Variants in KRT4 observed in about 807,000 individuals in gnomAD.
KRT4 encodes keratin, type II cytoskeletal 4.
A neutral mutation model predicts 50.6 loss-of-function variants in KRT4; 47 were observed. That is an observed-to-expected ratio of 0.93 (90% confidence interval 0.73 to 1.18). The LOEUF (loss-of-function observed/expected upper bound fraction) is 1.18. Ranked by LOEUF, KRT4 falls within the 50% of genes most tolerant of loss-of-function variation. The probability of loss-of-function intolerance (pLI) is 0.00; values close to 1 mark genes in which losing one functional copy is unlikely to be tolerated. For synonymous variants in KRT4, 254 were observed against 251.2 expected (o/e 1.01, Z -0.10); for missense variants, 651 against 645.7 (o/e 1.01, Z -0.09).
At chr12:52,812,619 G>A (rs1939932321) in intron 1 of KRT4, among the ~76,000 whole-genome samples, 1 of 152,180 alleles carries the variant, frequency 6.6e-6, no homozygotes, top group African/African-American at 2.4e-5. Flanking sequence ...GAATTGAAAG[G>A]AAAGCAGGTA....
In KRT4 at chr12:52,808,808, C is replaced by A; in HGVS notation, c.877G>T (p.Val293Phe). 6.2e-7 allele frequency: 1 copy of A among 1,614,200 alleles called. No individual in the cohort carries two copies. Among genetic ancestry groups the A allele is most frequent in the Non-Finnish European group, 8.5e-7 (1 of 1,180,024 alleles). ...TTGCGGTTGTTGTCCATGGAAAGGA[C>A]CACGGACGTGTCGCTGACATGGGTC... is the stretch of plus-strand genomic sequence containing the variant. The part of the protein sequence containing the change: ...MQTHVSDTSV[V>F]LSMDNNRNLD... The change falls in exon 5 of 9, where the codon GTC becomes TTC. Residue 293 changes from valine to phenylalanine, a missense_variant. Transcript: ENST00000551956.
rs534142606 is a variant in KRT4, at chr12:52,812,936, G to C, written c.462+661C>G. On this transcript the variant is annotated intron_variant, in intron 1 of 8. Coordinates refer to ENST00000551956, the MANE Select transcript of KRT4 (RefSeq NM_002272.4). ...CCAGTCATCAATCTTTGGATGACTC[G>C]GCTCTCTGGGGCTGCACTGCTCACT... 2.6e-5 allele frequency among the ~76,000 whole-genome samples: 4 copies of C among 152,158 alleles called. No individual in the cohort carries two copies. In the East Asian group the frequency reaches 5.8e-4, roughly 22 times the overall value.
chr12:52,809,447 T>A lies in KRT4; in HGVS notation c.770A>T (p.Glu257Val). 1 of 1,614,030 alleles carries A rather than the reference T, an allele frequency of 6.2e-7. No individual in the cohort carries two copies. The highest frequency in any genetic ancestry group is 8.5e-7 in the Non-Finnish European group (1 of 1,179,924). ...DVDAAYLNKV[E>V]LEAKVDSLND... is the part of the protein sequence containing the mutation. ...AAGACTGTCCACCTTGGCCTCCAAC[T>A]CCACCTTGTTCAGGTAGGCAGCATC... The change falls in exon 4 of 9, where the codon GAG becomes GTG. Residue 257 changes from glutamate to valine, a missense_variant. Coordinates refer to ENST00000551956, the MANE Select transcript of KRT4 (RefSeq NM_002272.4).
In KRT4 at chr12:52,813,949, C is replaced by T. The variant is rs1469775979; in HGVS notation, c.110G>A (p.Gly37Glu). The change falls in exon 1 of 9, where the codon GGA (glycine) becomes GAA (glutamate). Residue 37 changes from glycine (G) to glutamate (E), a missense_variant. Physicochemically the swap from Gly to Glu is moderately conservative, Grantham distance 98. Transcript: ENST00000551956. ...RGAFSSVSMS[G>E]GAGRCSSGGF... ...CCCAGAAGAGCATCGGCCAGCACCT[C>T]CAGACATGGAGACTGAGCTGAAGGC... 2 of 1,614,104 alleles carry T rather than the reference C, an allele frequency of 1.2e-6. No individual in the cohort carries two copies. The highest frequency in any genetic ancestry group is 3.3e-5 in the Admixed American group (2 of 60,014).
At chr12:52,809,846 C>A (rs1007181806) in intron 3 of KRT4, among the ~76,000 whole-genome samples, 1 of 152,196 alleles carries the variant, frequency 6.6e-6, no homozygotes, top group African/African-American at 2.4e-5. Flanking sequence ...GATACCAAAT[C>A]AACCTAAGTG....
rs17119473 is a variant in KRT4 at position 52,813,537 on chromosome 12, C to T, written c.462+60G>A. The T allele has an allele frequency of 0.67, 982,536 of 1,462,598 alleles. 334,288 individuals carry two copies. Among genetic ancestry groups the T allele is most frequent in the East Asian group, 0.82 (36,042 of 44,136 alleles). 90.6% of individuals were successfully genotyped at this position (1,462,598 alleles called of 1,614,324 possible). On this transcript the variant is annotated intron_variant, in intron 1 of 8. Transcript: ENST00000551956. ...ACCTGTGGCAGGCTCAGGTCTGAGA[C>T]CCCAGGACTCAGGACCCCTCTCTTC...
rs555375046 is a variant in KRT4 at position 52,808,883 on chromosome 12, A to G, written c.835-33T>C. 12 of 1,613,002 alleles carry G rather than the reference A, an allele frequency of 7.4e-6. No individual in the cohort carries two copies. In the African/African-American group the frequency reaches 1.1e-4, roughly 14 times the overall value. On this transcript the variant is annotated intron_variant, in intron 4 of 8. Transcript: ENST00000551956. ...GCAAATGTCTCACATCAGCCCCCCC[A>G]GGAAAGCCTTCACTGACCTGATACA...
rs748068957 is a variant in KRT4 at position 52,807,855 on chromosome 12, G to A, written c.1135C>T (p.Leu379Phe). ...TCTGCATCAGCCACGGATACCTGAA[G>A]AGTCTGGCACTATTGACAAAGGCAT... ...IENIKKQCQT[L>F]QVSVADAEQR... The change falls in exon 7 of 9, where the codon CTT (leucine) becomes TTT (phenylalanine). Residue 379 changes from leucine to phenylalanine, a missense_variant. Coordinates refer to ENST00000551956, the MANE Select transcript of KRT4 (RefSeq NM_002272.4). 4.3e-6 allele frequency: 7 copies of A among 1,613,732 alleles called. No individual in the cohort carries two copies. In the South Asian group the frequency reaches 7.7e-5, roughly 18 times the overall value.
intron 6 of KRT4, 46 bp downstream of exon 6, chr12:52,808,248 T>G: frequency 6.2e-7 from 1 of 1,611,128 alleles, no homozygotes; most frequent in Non-Finnish European, 8.5e-7. Flanking sequence ...GATGTCTGCC[T>G]GAGGCCCCTG....
At chr12:52,811,069 C>A in intron 2 of KRT4, 1 of 504,430 alleles carries the variant, frequency 2.0e-6, no homozygotes. Flanking sequence ...GAAAACCCAG[C>A]AATGATGTAG....
rs1239033346 is a variant in KRT4, at chr12:52,806,742, G to A, written c.*327C>T. ...GTGGGAGATGGCATTGGACTGGGAAGGGACATATGTGACCCCAATAATTCT... is the reference window on the plus strand; with the variant it reads ...GTGGGAGATGGCATTGGACTGGGAAAGGACATATGTGACCCCAATAATTCT... On this transcript the variant is annotated 3_prime_UTR_variant, in exon 9 of 9. Transcript: ENST00000551956. 1 of 411,812 alleles carries A rather than the reference G, an allele frequency of 2.4e-6. No individual in the cohort carries two copies. The highest frequency in any genetic ancestry group is 5.3e-5 in the East Asian group (1 of 18,898). 25.5% of individuals were successfully genotyped at this position (411,812 alleles called of 1,614,324 possible).
rs1413778453 is a variant in KRT4, at chr12:52,813,650, C to T, written c.409G>A (p.Glu137Lys). Reference sequence around the variant, plus strand: ...TTGAGGAGCTTGATCTGTTCGCGCTCTTCCGTCCGGACTTTCTGGATCTCA... The same window carrying T: ...TTGAGGAGCTTGATCTGTTCGCGCTTTTCCGTCCGGACTTTCTGGATCTCA... ...DPEIQKVRTE[E>K]REQIKLLNNK... The change falls in exon 1 of 9, where the codon GAG becomes AAG. Residue 137 changes from glutamate to lysine, a missense_variant. By Grantham distance (56) the Glu-to-Lys change is moderately conservative. Coordinates refer to ENST00000551956, the MANE Select transcript of KRT4 (RefSeq NM_002272.4). 3 of 1,614,182 alleles carry T rather than the reference C, an allele frequency of 1.9e-6. No homozygotes were observed. Among genetic ancestry groups the T allele is most frequent in the Admixed American group, 1.7e-5 (1 of 60,030 alleles).
rs1273243818 is a variant in KRT4 at position 52,807,810 on chromosome 12, G to A, written c.1180C>T (p.Leu394Phe). Residue 394 changes from leucine (L) to phenylalanine (F), a missense_variant, in exon 7 of 9, where the codon CTT becomes TTT. By Grantham distance (22) the Leu-to-Phe change is conservative. Transcript: ENST00000551956. Reference protein sequence around the residue: ...ADAEQRGENALKDAHSKRVEL... With the variant: ...ADAEQRGENAFKDAHSKRVEL... ...ACGCGCTTGCTGTGGGCATCTTTAAGGGCATTCTCACCTCGCTGCTCTGCA... is the reference window on the plus strand; with the variant it reads ...ACGCGCTTGCTGTGGGCATCTTTAAAGGCATTCTCACCTCGCTGCTCTGCA... 3 of 1,614,148 alleles carry A rather than the reference G, an allele frequency of 1.9e-6. No homozygotes were observed. Among genetic ancestry groups the A allele is most frequent in the Admixed American group, 1.7e-5 (1 of 60,030 alleles).
In KRT4 at chr12:52,807,149, C is replaced by G; in HGVS notation, c.1483G>C (p.Gly495Arg). 1 of 1,614,164 alleles carries G rather than the reference C, an allele frequency of 6.2e-7. No individual in the cohort carries two copies. Among genetic ancestry groups the G allele is most frequent in the Non-Finnish European group, 8.5e-7 (1 of 1,180,016 alleles). The stretch of plus-strand genomic sequence containing the variant: ...GAGACACTGCCACCAAACCCAAAGC[C>G]ACTTCCAGAGCCGGAGCCAAAGCCA... ...SSGFGSGSGS[G>R]FGFGGSVSGS... Residue 495 changes from glycine (G) to arginine (R), a missense_variant, in exon 9 of 9, where the codon GGC (glycine) becomes CGC (arginine). Gly to Arg is a moderately radical substitution (Grantham distance 125, BLOSUM62 -2). Coordinates refer to ENST00000551956, the MANE Select transcript of KRT4 (RefSeq NM_002272.4).
chr12:52,811,891 GT>G lies in KRT4; in HGVS notation c.548del (p.Asn183ThrfsTer13). 1 of 1,614,106 alleles carries G rather than the reference GT, an allele frequency of 6.2e-7. No individual in the cohort carries two copies. Among genetic ancestry groups the G allele is most frequent in the Non-Finnish European group, 8.5e-7 (1 of 1,180,034 alleles). ...QQQTTTTSSK[N>X]LEPLFETYLS... ...GGTAGGTCTCAAAGAGGGGCTCAAG[GT>G]TTTTGCTGGAGGTGGTGGTCGTCTG... is the stretch of plus-strand genomic sequence containing the variant. On this transcript the variant is annotated frameshift_variant, in exon 2 of 9. Transcript: ENST00000551956. LOFTEE classifies it high-confidence loss of function.
intron 6 of KRT4, 132 bp downstream of exon 6, chr12:52,808,162 C>A (rs750976173): frequency 1.3e-5 from 16 of 1,234,928 alleles, no homozygotes; most frequent in Non-Finnish European, 1.7e-5. Flanking sequence ...GTATGCCTTG[C>A]ACAAAGAGCT....
In KRT4 at chr12:52,809,496, G is replaced by A. The variant is rs1412902316; in HGVS notation, c.739-18C>T. On this transcript the variant is annotated intron_variant, in intron 3 of 8. Coordinates refer to ENST00000551956, the MANE Select transcript of KRT4 (RefSeq NM_002272.4). ...TCCACGTCCTGCAGAGGAGTAAGGA[G>A]GATAAGAGATGAGGAGCAGGAATGC... 2.5e-6 allele frequency: 4 copies of A among 1,582,076 alleles called. No homozygotes were observed. Among genetic ancestry groups the A allele is most frequent in the Non-Finnish European group, 3.5e-6 (4 of 1,150,834 alleles).
chr12:52,809,276 T>A, intron 4 of KRT4, 107 bp downstream of exon 4: 1 of 876,980 alleles, frequency 1.1e-6, no homozygotes, highest in South Asian at 1.3e-5. Flanking sequence ...CCCACTGCCC[T>A]AAAATAAGGG....
intron 4 of KRT4, 133 bp from the exon 5 acceptor site, chr12:52,808,983 C>A: frequency 1.0e-6 from 1 of 994,408 alleles, no homozygotes; most frequent in South Asian, 1.3e-5. Flanking sequence ...AAGGAGAAAT[C>A]AAGTGGTTGT....
Sources: gnomAD v4.1 joint callset for allele counts (sites outside exome capture counted in the v4.1 genomes callset) on GRCh38, gnomAD v4.1.1 for gene constraint, MANE v1.5 for transcripts, NCBI Gene and HGNC (gene_info 2026-07-23, HGNC 2026-07-21) for gene names.